RCL1: variants seen among roughly 807,000 people sequenced by gnomAD.
RCL1 encodes the protein RNA 3'-terminal phosphate cyclase-like protein.
In RCL1, 24 loss-of-function variants were observed where a neutral mutation model predicts 42.4. The ratio of observed to expected loss-of-function variants is 0.57; its 90% CI spans 0.41 to 0.80. The LOEUF is 0.80. RCL1 is among the 30% of genes least tolerant of loss of function. The pLI is 0.00. For missense variants in RCL1, 578 were observed against 467.9 expected (o/e 1.24, Z -2.17); for synonymous variants, 228 against 177.3 (o/e 1.29, Z -2.27).
At chr9:4,795,802 A>G (rs1842904103) in intron 1 of RCL1, among the ~76,000 whole-genome samples, 1 of 152,216 alleles carries the variant, frequency 6.6e-6, no homozygotes, top group South Asian at 2.1e-4. Context: ...GAAAGTGTTT[A>G]TTGAGCCACA....
At chr9:4,859,363 A>G (rs1394803427) in intron 8 of RCL1, among the ~76,000 whole-genome samples, 2 of 152,210 alleles carry the variant, frequency 1.3e-5, no homozygotes, top group African/African-American at 2.4e-5. Flanking sequence ...TTTACATTAC[A>G]TAGCACTTTT....
In RCL1 at chr9:4,797,660, A is replaced by C. The variant is rs926408697; in HGVS notation, c.136+4433A>C. ...ATGTCAGTAGTGCTGATGTAGAAAA[A>C]CCCTGGCCTACTTGACAGTAGTAAT... On this transcript the variant is annotated intron_variant, in intron 1 of 8. Transcript: ENST00000381750. Among the ~76,000 whole-genome samples the C allele has an allele frequency of 3.9e-5, 6 of 152,260 alleles. No individual in the cohort carries two copies. The East Asian group carries it at 7.7e-4, about 20-fold the overall frequency.
At chr9:4,850,232 T>C (rs1010461231) in intron 8 of RCL1, 3 of 507,878 alleles carry the variant, frequency 5.9e-6, no homozygotes, top group African/African-American at 1.9e-5. Flanking sequence ...TTGGAGATCA[T>C]CATATGGCCC....
intron 8 of RCL1, among the ~76,000 whole-genome samples, chr9:4,855,067 AAAAAAAT>A (rs1260101209): frequency 1.3e-5 from 2 of 150,594 alleles, no homozygotes; most frequent in Admixed American, 6.6e-5. Flanking sequence ...AAAAAAAAAA[AAAAAAAT>A]AGGAAAAGTT....
At chr9:4,821,644 AT>A (rs375803052) in intron 1 of RCL1, among the ~76,000 whole-genome samples, 4,403 of 148,194 alleles carry the variant, frequency 0.03, 109 homozygotes, top group African/African-American at 0.07. Flanking sequence ...AGCTGGACTC[AT>A]TTTTTTTTTT....
intron 1 of RCL1, among the ~76,000 whole-genome samples, chr9:4,813,029 T>C (rs1242715115): frequency 6.6e-6 from 1 of 152,184 alleles, no homozygotes; most frequent in Non-Finnish European, 1.5e-5. Flanking sequence ...ACAGCTTAAC[T>C]TCCTCCTTCC....
intron 1 of RCL1, among the ~76,000 whole-genome samples, chr9:4,806,722 A>G (rs1221524723): frequency 6.7e-6 from 1 of 149,796 alleles, no homozygotes; most frequent in Non-Finnish European, 1.5e-5. Context: ...ATTGCTCTGT[A>G]GTTTTTTTTT....
intron 7 of RCL1, among the ~76,000 whole-genome samples, chr9:4,848,965 A>G (rs559370013): frequency 6.6e-6 from 1 of 152,340 alleles, no homozygotes; most frequent in African/African-American, 2.4e-5. Context: ...GAATAAGTGT[A>G]AAAGTAAGGC....
chr9:4,822,643 C>A (rs1014927177), intron 1 of RCL1, among the ~76,000 whole-genome samples: 2 of 151,862 alleles, frequency 1.3e-5, no homozygotes, highest in Admixed American at 6.6e-5. Flanking sequence ...TATAACGAGA[C>A]CCTATCTCTA....
intron 2 of RCL1, among the ~76,000 whole-genome samples, chr9:4,823,881 C>T (rs563635799): frequency 6.6e-6 from 1 of 151,726 alleles, no homozygotes; most frequent in South Asian, 2.1e-4. Flanking sequence ...GAGTGTAGAT[C>T]ATAATAAAAG....
chr9:4,820,742 G>A (rs10974800), intron 1 of RCL1, among the ~76,000 whole-genome samples: 7 of 152,174 alleles, frequency 4.6e-5, no homozygotes, highest in African/African-American at 1.7e-4. Context: ...ATAAACCTAA[G>A]TAGAAAGTGG....
At chr9:4,799,945 G>T (rs907608554) in intron 1 of RCL1, among the ~76,000 whole-genome samples, 1 of 152,126 alleles carries the variant, frequency 6.6e-6, no homozygotes, top group African/African-American at 2.4e-5. Flanking sequence ...CGTTCATATG[G>T]GTTGTTGCTG....
intron 8 of RCL1, chr9:4,850,435 C>T (rs1817696203): frequency 1.7e-5 from 6 of 350,688 alleles, no homozygotes; most frequent in South Asian, 7.8e-5. Flanking sequence ...TGGGCCATGG[C>T]GTTGGGGGCA....
chr9:4,814,515 C>A lies in RCL1; in HGVS notation c.137-9033C>A, dbSNP rs568260343. On this transcript the variant is annotated intron_variant, in intron 1 of 8. Coordinates refer to ENST00000381750, the MANE Select transcript of RCL1 (RefSeq NM_005772.5). ...ACTCCTGGGCATGATCATCCTCCTG[C>A]CTTGGCTTCCCAAAGTGTTGGGATT... Among the ~76,000 whole-genome samples, 3 of 152,288 alleles carry A rather than the reference C, an allele frequency of 2.0e-5. 1 individual carries two copies. The highest frequency in any genetic ancestry group is 1.5e-5 in the Non-Finnish European group (1 of 68,022).
chr9:4,845,887 C>T (rs894705888), intron 7 of RCL1, among the ~76,000 whole-genome samples: 2 of 152,238 alleles, frequency 1.3e-5, no homozygotes, highest in East Asian at 3.8e-4. Flanking sequence ...TATTTCTTCT[C>T]AGTTGTCAGG....
intron 3 of RCL1, among the ~76,000 whole-genome samples, chr9:4,831,216 C>G (rs186768936): frequency 8.1e-4 from 124 of 152,264 alleles, no homozygotes; most frequent in Admixed American, 2.2e-3. Context: ...TGGAATTACC[C>G]TTGGGCTTCT....
chr9:4,843,109 AT>A (rs1817390999), intron 6 of RCL1, among the ~76,000 whole-genome samples: 1 of 152,206 alleles, frequency 6.6e-6, no homozygotes, highest in South Asian at 2.1e-4. Flanking sequence ...TGGGATTTAA[AT>A]TTGTGTTTGG....
intron 1 of RCL1, among the ~76,000 whole-genome samples, chr9:4,800,652 ATTTTTTT>A (rs35340693): frequency 1.8e-4 from 22 of 123,956 alleles, no homozygotes; most frequent in African/African-American, 5.3e-4. Flanking sequence ...GTGTGGATGT[ATTTTTTT>A]TTTTTTTTTT....
chr9:4,824,374 ATT>A lies in RCL1; in HGVS notation c.208+775_208+776del, dbSNP rs71326141. ...CTCTTCATATTGTTCTTCAGCCAGC[ATT>A]TTTTTTTTTTTTTTTTTTTGCTAGT... is the stretch of plus-strand genomic sequence containing the variant. On this transcript the variant is annotated intron_variant, in intron 2 of 8. Transcript: ENST00000381750. Among the ~76,000 whole-genome samples, 1,143 of 120,258 alleles carry A rather than the reference ATT, an allele frequency of 9.5e-3. 10 individuals are homozygous for A. Among genetic ancestry groups the A allele is most frequent in the African/African-American group, 0.033 (1,073 of 32,516 alleles). The allele number at this position is 120,258 out of a possible 152,430, so 78.9% of individuals were successfully genotyped here. A position where few individuals can be genotyped will look rare whatever the true frequency, so the allele number is the denominator to read the frequency against.
Sources: gnomAD v4.1 joint callset for allele counts (sites outside exome capture counted in the v4.1 genomes callset) on GRCh38, gnomAD v4.1.1 for gene constraint, MANE v1.5 for transcripts, NCBI Gene and HGNC (gene_info 2026-07-23, HGNC 2026-07-21) for gene names.